Variants in CPLX2 observed in about 807,000 individuals in gnomAD.
CPLX2 encodes complexin 2.
In CPLX2, 5 loss-of-function variants were observed where a neutral mutation model predicts 16.3. The ratio of observed to expected loss-of-function variants is 0.31; its 90% CI spans 0.16 to 0.64. The LOEUF (loss-of-function observed/expected upper bound fraction) is 0.64. Ranked by LOEUF, CPLX2 falls within the 30% of genes least tolerant of loss-of-function variation. CPLX2 has a pLI of 0.79. For synonymous variants in CPLX2, 89 were observed against 73.2 expected (o/e 1.22, Z -1.10); for missense variants, 144 against 181.4 (o/e 0.79, Z 1.18).
At chr5:175,865,565 T>C (rs1320059820) in intron 2 of CPLX2, among the ~76,000 whole-genome samples, 1 of 152,236 alleles carries the variant, frequency 6.6e-6, no homozygotes, top group African/African-American at 2.4e-5. Context: ...TTCACAATTC[T>C]TGACACTGAG....
chr5:175,800,920 G>A (rs1252079468), intron 1 of CPLX2, among the ~76,000 whole-genome samples: 1 of 152,196 alleles, frequency 6.6e-6, no homozygotes, highest in Non-Finnish European at 1.5e-5. Context: ...AGTCAGTCAT[G>A]TGACAACGTG....
intron 3 of CPLX2, among the ~76,000 whole-genome samples, chr5:175,879,326 T>C (rs1755511856): frequency 6.6e-6 from 1 of 152,230 alleles, no homozygotes; most frequent in African/African-American, 2.4e-5. Flanking sequence ...CGGTCCACCA[T>C]TTCGTACTGC....
At chr5:175,865,546 A>G (rs1042146060) in intron 2 of CPLX2, among the ~76,000 whole-genome samples, 2 of 152,248 alleles carry the variant, frequency 1.3e-5, no homozygotes, top group Non-Finnish European at 2.9e-5. Flanking sequence ...CTCCAGGGTC[A>G]CTTCCAACTT....
At chr5:175,821,131 C>T (rs1213637876) in intron 2 of CPLX2, among the ~76,000 whole-genome samples, 1 of 152,162 alleles carries the variant, frequency 6.6e-6, no homozygotes, top group Admixed American at 6.5e-5. Flanking sequence ...CATAGGATTT[C>T]TTCCTCCCAA....
chr5:175,841,964 T>A (rs972956682), intron 2 of CPLX2, among the ~76,000 whole-genome samples: 1 of 152,260 alleles, frequency 6.6e-6, no homozygotes, highest in Non-Finnish European at 1.5e-5. Context: ...CTCCTAGCAC[T>A]CGCTGCTCAA....
chr5:175,827,733 C>G (rs1758646128), intron 2 of CPLX2, among the ~76,000 whole-genome samples: 1 of 152,290 alleles, frequency 6.6e-6, no homozygotes, highest in South Asian at 2.1e-4. Flanking sequence ...GCACTCCAGC[C>G]TGAGTGACAG....
chr5:175,842,596 G>A (rs1863930), intron 2 of CPLX2, among the ~76,000 whole-genome samples: 20,634 of 152,244 alleles, frequency 0.14, 1,482 homozygotes, highest in Middle Eastern at 0.21. Flanking sequence ...CCAGCACCCC[G>A]TGGAAGGACG....
chr5:175,862,381 AT>A (rs1343806180), intron 2 of CPLX2, among the ~76,000 whole-genome samples: 1 of 152,108 alleles, frequency 6.6e-6, no homozygotes. Context: ...CCCAAATTAG[AT>A]TTTTTTTAAT....
intron 2 of CPLX2, among the ~76,000 whole-genome samples, chr5:175,852,840 G>A (rs1327549785): frequency 1.3e-5 from 2 of 152,158 alleles, no homozygotes; most frequent in African/African-American, 4.8e-5. Flanking sequence ...TCCAAACCCA[G>A]GGAAGCATTG....
At chr5:175,854,634 C>T (rs559534520) in intron 2 of CPLX2, among the ~76,000 whole-genome samples, 3 of 152,088 alleles carry the variant, frequency 2.0e-5, no homozygotes, top group East Asian at 1.9e-4. Context: ...TCAAGGCATG[C>T]GGGGTCAGAG....
intron 2 of CPLX2, among the ~76,000 whole-genome samples, chr5:175,853,415 T>A (rs898547872): frequency 6.6e-6 from 1 of 151,970 alleles, no homozygotes. Context: ...CGGCCTCTTG[T>A]CTTTCAGGGT....
intron 2 of CPLX2, among the ~76,000 whole-genome samples, chr5:175,812,409 T>C (rs1223828327): frequency 2.0e-5 from 3 of 152,198 alleles, no homozygotes; most frequent in African/African-American, 7.2e-5. Context: ...AAAGGAAATA[T>C]GTTGCGTTCC....
At chr5:175,800,958 C>T (rs11954604) in intron 1 of CPLX2, among the ~76,000 whole-genome samples, 125 of 152,228 alleles carry the variant, frequency 8.2e-4, no homozygotes, top group African/African-American at 3.0e-3. Context: ...CAGAGGAAAT[C>T]GCTCTGGCAG....
intron 3 of CPLX2, 182 bp from the exon 4 acceptor site, chr5:175,879,666 C>T (rs993950895): frequency 4.2e-6 from 3 of 710,544 alleles, no homozygotes; most frequent in Non-Finnish European, 7.7e-6. Flanking sequence ...CGTATGGTCT[C>T]TCCCACTGAG....
rs985459648 is a variant in CPLX2, at chr5:175,857,384, C to G, written c.-88-21268C>G. Among the ~76,000 whole-genome samples, 16 of 152,320 alleles carry G rather than the reference C, an allele frequency of 1.1e-4. No homozygotes were observed. The South Asian group carries it at 3.1e-3, about 30-fold the overall frequency. On this transcript the variant is annotated intron_variant, in intron 2 of 4. Coordinates refer to the CPLX2 transcript ENST00000359546. Reference sequence around the variant, plus strand: ...CAGCGCACTCACCACTCTGAATTATCTTTCCATTCACAGATGCTCCTTGAC... The same window carrying G: ...CAGCGCACTCACCACTCTGAATTATGTTTCCATTCACAGATGCTCCTTGAC...
chr5:175,862,623 G>C (rs1759394137), intron 2 of CPLX2, among the ~76,000 whole-genome samples: 1 of 152,224 alleles, frequency 6.6e-6, no homozygotes. Flanking sequence ...CCAGTTTAAA[G>C]GGCTTGGACT....
chr5:175,829,593 T>A (rs962662382), intron 2 of CPLX2, among the ~76,000 whole-genome samples: 1 of 152,190 alleles, frequency 6.6e-6, no homozygotes, highest in South Asian at 2.1e-4. Flanking sequence ...AAGGATTCCA[T>A]CAATCTAAGT....
Position 175,849,452 on chromosome 5 carries a change from A to G in CPLX2, c.-88-29200A>G, listed in dbSNP as rs892726207. On this transcript the variant is annotated intron_variant, in intron 2 of 4. Coordinates refer to the CPLX2 transcript ENST00000359546. This position sits in a 1 kb window ranked among gnomAD's most constrained non-coding sequence, Gnocchi z 4.4. ...TCATCTCATACACAGGACCTCATGC[A>G]TGCAGCCGAACCCCACACTGGATGT... 1.3e-5 allele frequency among the ~76,000 whole-genome samples: 2 copies of G among 152,230 alleles called. No homozygotes were observed. Among genetic ancestry groups the G allele is most frequent in the African/African-American group, 4.8e-5 (2 of 41,470 alleles).
rs181297187 is a variant in CPLX2 at position 175,845,623 on chromosome 5, T to C, written c.-88-33029T>C. Among the ~76,000 whole-genome samples the C allele has an allele frequency of 7.9e-5, 12 of 152,334 alleles. No homozygotes were observed. The East Asian group carries it at 2.3e-3, about 29-fold the overall frequency. ...ATCTTGTCTTTGCATGCTTAGGTAG[T>C]ATCTTTGCTCCTACTGGACTGTGAG... On this transcript the variant is annotated intron_variant, in intron 2 of 4. Coordinates refer to the CPLX2 transcript ENST00000359546. The surrounding 1 kb of genome is among the most constrained non-coding windows in gnomAD (Gnocchi z 4.0).
Sources: gnomAD v4.1 joint callset for allele counts (sites outside exome capture counted in the v4.1 genomes callset) on GRCh38, gnomAD v4.1.1 for gene constraint, Gnocchi (gnomAD v3.1) non-coding constraint, MANE v1.5 for transcripts, NCBI Gene and HGNC (gene_info 2026-07-23, HGNC 2026-07-21) for gene names.